The following CELF2 variants were observed in gnomAD, a reference collection of about 807,000 sequenced individuals.
CELF2 encodes CUGBP Elav-like family member 2, also known as CUG triplet repeat RNA-binding protein 2.
A neutral mutation model predicts 62.6 loss-of-function variants in CELF2; 8 were observed. The observed-to-expected ratio is 0.13, with a 90% CI of 0.07 to 0.23. The LOEUF is 0.23. CELF2 is among the 10% of genes least tolerant of loss of function. The pLI is 1.00. For missense variants in CELF2, 333 were observed against 671.0 expected (o/e 0.50, Z 5.56); for synonymous variants, 258 against 250.0 (o/e 1.03, Z -0.30).
intron 2 of CELF2, among the ~76,000 whole-genome samples, chr10:10,940,547 T>C (rs530332314): frequency 6.6e-6 from 1 of 152,064 alleles, no homozygotes; most frequent in Non-Finnish European, 1.5e-5. Context: ...ACAAATGGCT[T>C]TGTTTATGTT....
At chr10:11,176,434 C>T (rs1166091161) in intron 2 of CELF2, among the ~76,000 whole-genome samples, 6 of 152,122 alleles carry the variant, frequency 3.9e-5, no homozygotes, top group African/African-American at 1.4e-4. Context: ...GGATCAAAAT[C>T]CCCTTGGCAC....
At chr10:11,197,392 A>G (rs2058239937) in intron 2 of CELF2, among the ~76,000 whole-genome samples, 1 of 152,216 alleles carries the variant, frequency 6.6e-6, no homozygotes, top group African/African-American at 2.4e-5. Flanking sequence ...ATCCAGTTTC[A>G]TCTCAAGTTT....
At chr10:10,527,229 G>A in the CELF2 span, among the ~76,000 whole-genome samples, 6 of 152,066 alleles carry the variant, frequency 3.9e-5, no homozygotes, top group Admixed American at 3.9e-4. Flanking sequence ...ATAACTTGAG[G>A]CCAGGAGTTC....
chr10:10,561,033 G>C, the CELF2 span, among the ~76,000 whole-genome samples: 1 of 147,764 alleles, frequency 6.8e-6, no homozygotes, highest in Non-Finnish European at 1.5e-5. Context: ...GTGGGAGGGG[G>C]GTGACAGATA....
intron 1 of CELF2, among the ~76,000 whole-genome samples, chr10:11,163,570 A>G (rs1465896698): frequency 1.3e-5 from 2 of 152,252 alleles, no homozygotes; most frequent in Non-Finnish European, 2.9e-5. Context: ...CAAGGATTAC[A>G]TTACACCAAA....
chr10:11,257,483 A>G (rs1211731240), intron 4 of CELF2: 4 of 393,654 alleles, frequency 1.0e-5, no homozygotes, highest in African/African-American at 2.0e-5. Flanking sequence ...ACTTAACAGC[A>G]TTACATGTCA....
the CELF2 span, among the ~76,000 whole-genome samples, chr10:10,639,992 A>G: frequency 1.3e-5 from 2 of 152,166 alleles, no homozygotes; most frequent in African/African-American, 2.4e-5. Context: ...TTCATCTAAT[A>G]CTACCTGTTG....
chr10:10,970,505 C>A (rs1046449940), intron 2 of CELF2, among the ~76,000 whole-genome samples: 18 of 152,170 alleles, frequency 1.2e-4, no homozygotes, highest in Non-Finnish European at 2.9e-5. Flanking sequence ...GCATCTAAAT[C>A]CCAGTATTCA....
At chr10:10,549,760 G>A in the CELF2 span, among the ~76,000 whole-genome samples, 1 of 152,216 alleles carries the variant, frequency 6.6e-6, no homozygotes, top group Non-Finnish European at 1.5e-5. Context: ...TCTCAGAAGA[G>A]TGTATTTCTA....
At chr10:11,272,532 T>G (rs2084220708) in intron 7 of CELF2, among the ~76,000 whole-genome samples, 1 of 152,194 alleles carries the variant, frequency 6.6e-6, no homozygotes, top group Non-Finnish European at 1.5e-5. Flanking sequence ...TTCTAGCACG[T>G]CTCCTGTGCC....
At chr10:10,727,669 G>C in the CELF2 span, among the ~76,000 whole-genome samples, 9 of 151,758 alleles carry the variant, frequency 5.9e-5, no homozygotes, top group African/African-American at 2.2e-4. Context: ...CCAGCTATTC[G>C]GGAGGCTGAG....
At chr10:10,733,790 C>T in the CELF2 span, among the ~76,000 whole-genome samples, 7 of 152,130 alleles carry the variant, frequency 4.6e-5, no homozygotes, top group African/African-American at 1.4e-4. Context: ...AATCGTCTCC[C>T]ACTGGGTCCC....
chr10:11,241,928 G>A (rs1487850776), intron 3 of CELF2, among the ~76,000 whole-genome samples: 2 of 152,152 alleles, frequency 1.3e-5, no homozygotes, highest in Non-Finnish European at 2.9e-5. Flanking sequence ...AAGTACAGGT[G>A]CCTTTGGCGT....
intron 5 of CELF2, among the ~76,000 whole-genome samples, chr10:11,265,613 A>G (rs938230732): frequency 6.6e-6 from 1 of 152,262 alleles, no homozygotes; most frequent in Non-Finnish European, 1.5e-5. Context: ...GATGAATAAA[A>G]TGTAAATTTG....
At chr10:10,813,877 A>G (rs1296024752) in intron 1 of CELF2, among the ~76,000 whole-genome samples, 3 of 152,200 alleles carry the variant, frequency 2.0e-5, no homozygotes, top group South Asian at 4.1e-4. Context: ...AGACTGAACT[A>G]CAAGAAGCAG....
At chr10:10,567,186 A>G in the CELF2 span, among the ~76,000 whole-genome samples, 6 of 152,248 alleles carry the variant, frequency 3.9e-5, no homozygotes. Flanking sequence ...TTGTTAAGTC[A>G]GTTTTAATGG....
chr10:10,468,435 A>G, the CELF2 span, among the ~76,000 whole-genome samples: 1 of 151,980 alleles, frequency 6.6e-6, no homozygotes, highest in Non-Finnish European at 1.5e-5. Context: ...TCCTGTTACA[A>G]TTCCTCAAAG....
At chr10:10,627,450 C>T in the CELF2 span, among the ~76,000 whole-genome samples, 1 of 152,232 alleles carries the variant, frequency 6.6e-6, no homozygotes, top group Admixed American at 6.5e-5. Context: ...AGGAGAAAGA[C>T]TTCAGGAGTT....
intron 1 of CELF2, among the ~76,000 whole-genome samples, chr10:11,153,687 A>G (rs1027060001): frequency 4.6e-5 from 7 of 152,242 alleles, no homozygotes; most frequent in Admixed American, 3.3e-4. Context: ...TGAATATTGG[A>G]TGTACAATTA....
Sources: gnomAD v4.1 joint callset for allele counts (sites outside exome capture counted in the v4.1 genomes callset) on GRCh38, gnomAD v4.1.1 for gene constraint, MANE v1.5 for transcripts, NCBI Gene and HGNC (gene_info 2026-07-23, HGNC 2026-07-21) for gene names.